Variants in SPOCK3 observed in about 807,000 individuals in gnomAD.
SPOCK3 encodes SPARC (osteonectin), cwcv and kazal like domains proteoglycan 3.
Under a neutral mutation model 56.6 loss-of-function variants are expected in SPOCK3, and 30 were observed. The ratio of observed to expected loss-of-function variants is 0.53; its 90% confidence interval spans 0.40 to 0.72. The LOEUF (loss-of-function observed/expected upper bound fraction) is 0.72, where lower values mean the gene tolerates loss of function less well. Among genes scored for constraint, SPOCK3 ranks in the 30% least tolerant of loss-of-function variants. The pLI is 0.00. For missense variants in SPOCK3, 527 were observed against 530.0 expected, an observed-to-expected ratio of 0.99 and a Z score of 0.06; for synonymous variants, 196 against 183.3, an observed-to-expected ratio of 1.07 and a Z score of -0.56.
At chr4:166,749,152 A>T (rs1218024109) in intron 8 of SPOCK3, among the ~76,000 whole-genome samples, 1 of 137,186 alleles carries the variant, frequency 7.3e-6, no homozygotes, top group East Asian at 2.0e-4. Context: ...TACCCAAAGG[A>T]TTATAAATCA....
At chr4:166,772,002 C>A (rs1738990544) in intron 7 of SPOCK3, among the ~76,000 whole-genome samples, 1 of 151,996 alleles carries the variant, frequency 6.6e-6, no homozygotes, top group African/African-American at 2.4e-5. Flanking sequence ...TCAGTCAAAA[C>A]TGCCTCTAAA....
chr4:166,753,043 C>A (rs569489766), intron 8 of SPOCK3, among the ~76,000 whole-genome samples: 1 of 151,932 alleles, frequency 6.6e-6, no homozygotes, highest in South Asian at 2.1e-4. Context: ...CTATGGGGAC[C>A]TTTAATCAAT....
chr4:167,002,179 G>A (rs1446203440), intron 3 of SPOCK3, among the ~76,000 whole-genome samples: 3 of 151,946 alleles, frequency 2.0e-5, no homozygotes, highest in Admixed American at 1.3e-4. Flanking sequence ...GGCAGCTCTT[G>A]AACTCCTGAC....
At chr4:166,769,587 G>T (rs1230541661) in intron 7 of SPOCK3, among the ~76,000 whole-genome samples, 1 of 152,186 alleles carries the variant, frequency 6.6e-6, no homozygotes, top group African/African-American at 2.4e-5. Context: ...TGAGGTGTCA[G>T]TCTGCCCCTA....
intron 6 of SPOCK3, among the ~76,000 whole-genome samples, chr4:166,827,393 C>T: frequency 6.6e-6 from 1 of 152,020 alleles, no homozygotes; most frequent in Non-Finnish European, 1.5e-5. Flanking sequence ...GGGAACACTG[C>T]CTGGCATGAG....
intron 3 of SPOCK3, among the ~76,000 whole-genome samples, chr4:167,034,594 A>G (rs28631394): frequency 0.011 from 1,605 of 152,188 alleles, 25 homozygotes; most frequent in African/African-American, 0.037. Context: ...ATGTTCTGTG[A>G]TTAAAACCAT....
chr4:167,007,158 A>G (rs1749547843), intron 3 of SPOCK3, among the ~76,000 whole-genome samples: 1 of 152,130 alleles, frequency 6.6e-6, no homozygotes, highest in Non-Finnish European at 1.5e-5. Flanking sequence ...AAACATTAAT[A>G]CCCTGGCTTC....
intron 5 of SPOCK3, among the ~76,000 whole-genome samples, chr4:166,906,430 A>G (rs561384976): frequency 6.6e-6 from 1 of 151,882 alleles, no homozygotes; most frequent in Admixed American, 6.6e-5. Context: ...TCTGCTTCTC[A>G]AAATGGTGGG....
intron 2 of SPOCK3, among the ~76,000 whole-genome samples, chr4:167,171,250 G>A (rs1339463978): frequency 6.6e-6 from 1 of 152,102 alleles, no homozygotes; most frequent in Admixed American, 6.6e-5. Context: ...CATTAAAGGT[G>A]TAGAATGTGC....
At chr4:166,871,261 A>G (rs1732437231) in intron 6 of SPOCK3, among the ~76,000 whole-genome samples, 1 of 152,172 alleles carries the variant, frequency 6.6e-6, no homozygotes, top group African/African-American at 2.4e-5. Flanking sequence ...AAAATCAATG[A>G]AACCAAAAGG....
intron 6 of SPOCK3, among the ~76,000 whole-genome samples, chr4:166,836,876 A>G (rs2198740): frequency 0.99 from 150,570 of 152,314 alleles, 74,430 homozygotes; most frequent in East Asian, 1. Flanking sequence ...CTGATGAGTC[A>G]AACAAAAATT....
chr4:167,208,406 C>T (rs1273209882), intron 2 of SPOCK3, among the ~76,000 whole-genome samples: 1 of 152,084 alleles, frequency 6.6e-6, no homozygotes, highest in Non-Finnish European at 1.5e-5. Flanking sequence ...CATTATTTCT[C>T]TCCAAATAGT....
intron 2 of SPOCK3, among the ~76,000 whole-genome samples, chr4:167,063,796 T>A (rs563667597): frequency 6.6e-6 from 1 of 152,040 alleles, no homozygotes; most frequent in East Asian, 1.9e-4. Context: ...CTTTCTGAGT[T>A]GTTTCACTTA....
chr4:166,803,973 C>A (rs187497604), intron 6 of SPOCK3, among the ~76,000 whole-genome samples: 163 of 152,190 alleles, frequency 1.1e-3, no homozygotes, highest in African/African-American at 3.4e-3. Flanking sequence ...AACCACAGAA[C>A]CATGCAGTAA....
chr4:167,145,424 C>A (rs1275613104), intron 2 of SPOCK3, among the ~76,000 whole-genome samples: 2 of 151,946 alleles, frequency 1.3e-5, no homozygotes, highest in African/African-American at 4.8e-5. Flanking sequence ...AGCCATGGGG[C>A]TGAACAGGTT....
At chr4:166,751,245 GAATT>G (rs1233207182) in intron 8 of SPOCK3, among the ~76,000 whole-genome samples, 1 of 152,046 alleles carries the variant, frequency 6.6e-6, no homozygotes, top group Non-Finnish European at 1.5e-5. Flanking sequence ...TAAAAAGAAT[GAATT>G]AATCCCCCAT....
At chr4:166,874,330 T>C (rs1437488990) in intron 6 of SPOCK3, among the ~76,000 whole-genome samples, 2 of 152,142 alleles carry the variant, frequency 1.3e-5, no homozygotes, top group African/African-American at 4.8e-5. Context: ...ATATCTCTGA[T>C]TTCAAAGTCT....
chr4:166,804,348 A>T (rs1041287270), intron 6 of SPOCK3, among the ~76,000 whole-genome samples: 1 of 152,082 alleles, frequency 6.6e-6, no homozygotes, highest in African/African-American at 2.4e-5. Context: ...GTCATGAATC[A>T]GATTGGATTA....
chr4:166,810,245 T>G (rs1379659329), intron 6 of SPOCK3, among the ~76,000 whole-genome samples: 1 of 152,076 alleles, frequency 6.6e-6, no homozygotes, highest in Non-Finnish European at 1.5e-5. Flanking sequence ...TAGAGGAAAC[T>G]GACATGTGCA....
Sources: allele counts gnomAD v4.1 joint callset (sites outside exome capture counted in the v4.1 genomes callset), GRCh38; gene constraint gnomAD v4.1.1; transcripts MANE v1.5; gene names NCBI Gene and HGNC (gene_info 2026-07-23, HGNC 2026-07-21).